Variants in SPIRE1 observed in about 807,000 individuals in gnomAD.
The protein encoded by SPIRE1 is spire type actin nucleation factor 1, also known as protein spire homolog 1.
SPIRE1 carries 40 observed loss-of-function variants against 94.1 expected under a neutral mutation model. The observed-to-expected ratio is 0.43, with a 90% confidence interval of 0.33 to 0.55. SPIRE1 has a LOEUF of 0.55. SPIRE1 is among the 20% of genes least tolerant of loss of function. The pLI, the probability that SPIRE1 is intolerant of heterozygous loss-of-function variation, is 0.06. For missense variants in SPIRE1, 838 were observed against 975.2 expected (o/e 0.86, Z 1.87); for synonymous variants, 376 against 371.7 (o/e 1.01, Z -0.13).
At chr18:12,602,918 T>A (rs2036876893) in intron 2 of SPIRE1, among the ~76,000 whole-genome samples, 2 of 152,204 alleles carry the variant, frequency 1.3e-5, no homozygotes, top group African/African-American at 4.8e-5. Flanking sequence ...GGACATCAGG[T>A]GAAGAACCCA....
intron 1 of SPIRE1, among the ~76,000 whole-genome samples, chr18:12,650,876 CA>C (rs34966832): frequency 0.068 from 5,032 of 74,208 alleles, 100 homozygotes; most frequent in African/African-American, 0.15. Context: ...GACCCTGTCT[CA>C]AAAAAAAAAA....
At chr18:12,498,962 C>G (rs2033560676) in intron 6 of SPIRE1, among the ~76,000 whole-genome samples, 1 of 152,134 alleles carries the variant, frequency 6.6e-6, no homozygotes. Context: ...TGGGGTCTCA[C>G]TAAGTTGCCC....
intron 10 of SPIRE1, among the ~76,000 whole-genome samples, chr18:12,472,861 T>C (rs1598905263): frequency 6.6e-6 from 1 of 152,160 alleles, no homozygotes; most frequent in Non-Finnish European, 1.5e-5. Flanking sequence ...GGCGTGATCT[T>C]GGCTCACTGC....
At chr18:12,517,985 G>C (rs1471529724) in intron 4 of SPIRE1, among the ~76,000 whole-genome samples, 1 of 152,036 alleles carries the variant, frequency 6.6e-6, no homozygotes, top group Non-Finnish European at 1.5e-5. Flanking sequence ...ATTATAATAA[G>C]GAATATATTT....
At chr18:12,563,454 C>T (rs151112203) in intron 2 of SPIRE1, among the ~76,000 whole-genome samples, 23 of 151,954 alleles carry the variant, frequency 1.5e-4, no homozygotes, top group Non-Finnish European at 2.5e-4. Flanking sequence ...CCCAAGTAGC[C>T]GGGACTAGAA....
chr18:12,520,982 C>T (rs565787221), intron 4 of SPIRE1, among the ~76,000 whole-genome samples: 49 of 152,174 alleles, frequency 3.2e-4, no homozygotes, highest in Non-Finnish European at 6.2e-4. Context: ...ATGACACTGG[C>T]GGATTTGGCT....
At chr18:12,595,908 A>G (rs1369195023) in intron 2 of SPIRE1, among the ~76,000 whole-genome samples, 1 of 152,158 alleles carries the variant, frequency 6.6e-6, no homozygotes, top group Non-Finnish European at 1.5e-5. Context: ...CATCACCTTG[A>G]CCTATTTGCC....
rs115697913 is a variant in SPIRE1 at position 12,614,460 on chromosome 18, G to A, written c.372+20602C>T. Among the ~76,000 whole-genome samples the A allele has an allele frequency of 9.4e-3, 1,435 of 152,226 alleles. 30 individuals carry two copies. The highest frequency in any genetic ancestry group is 0.032 in the African/African-American group (1,323 of 41,528). On this transcript the variant is annotated intron_variant, in intron 2 of 16. Transcript: ENST00000409402. The stretch of plus-strand genomic sequence containing the variant: ...CCTCCCTGCAAGAAACTCTTTCCCT[G>A]GTTTTTATTTTAATAAGCAGGAGAC...
chr18:12,624,677 A>T (rs943852428), intron 2 of SPIRE1, among the ~76,000 whole-genome samples: 1 of 147,844 alleles, frequency 6.8e-6, no homozygotes, highest in Non-Finnish European at 1.5e-5. Context: ...TCTACTAAAA[A>T]TACAAAAATT....
At chr18:12,491,714 G>A (rs141043905) in intron 8 of SPIRE1, among the ~76,000 whole-genome samples, 111 of 152,192 alleles carry the variant, frequency 7.3e-4, no homozygotes, top group African/African-American at 2.6e-3. Flanking sequence ...GACAGACATG[G>A]GCCCTGTCAT....
chr18:12,536,599 A>C (rs963707354), intron 3 of SPIRE1, among the ~76,000 whole-genome samples: 8 of 152,172 alleles, frequency 5.3e-5, no homozygotes, highest in African/African-American at 9.7e-5. Context: ...AAGAGGGCAG[A>C]GGGCAATGTA....
intron 10 of SPIRE1, among the ~76,000 whole-genome samples, chr18:12,476,564 A>AAAAAT (rs1568194404): frequency 7.2e-5 from 5 of 69,862 alleles, no homozygotes; most frequent in Non-Finnish European, 1.2e-4. Context: ...AAAAAAAAAA[A>AAAAAT]ATATATATAT....
rs1361417273 is a variant in SPIRE1 at position 12,592,342 on chromosome 18, A to G, written c.372+42720T>C. Among the ~76,000 whole-genome samples, 3 of 152,226 alleles carry G rather than the reference A, an allele frequency of 2.0e-5. No individual in the cohort carries two copies. The East Asian group carries it at 5.8e-4, about 29-fold the overall frequency. Reference sequence around the variant, plus strand: ...TATTAATATCTGTTAAACTAATGTAATATCACATTTTAGACAAAGTTATAA... The same window carrying G: ...TATTAATATCTGTTAAACTAATGTAGTATCACATTTTAGACAAAGTTATAA... On this transcript the variant is annotated intron_variant, in intron 2 of 16. Coordinates refer to ENST00000409402, the MANE Select transcript of SPIRE1 (RefSeq NM_001128626.2).
At chr18:12,604,772 C>T (rs73407543) in intron 2 of SPIRE1, among the ~76,000 whole-genome samples, 6,831 of 152,224 alleles carry the variant, frequency 0.045, 239 homozygotes, top group Admixed American at 0.081. Context: ...TCCTGTCAAT[C>T]TGTTGAGAAC....
chr18:12,653,691 T>C (rs1319516863), intron 1 of SPIRE1, among the ~76,000 whole-genome samples: 1 of 152,232 alleles, frequency 6.6e-6, no homozygotes, highest in Non-Finnish European at 1.5e-5. Flanking sequence ...CTTACACCTG[T>C]AATCCCAGCA....
At chr18:12,536,405 T>C (rs146597449) in intron 3 of SPIRE1, among the ~76,000 whole-genome samples, 4 of 152,176 alleles carry the variant, frequency 2.6e-5, no homozygotes, top group African/African-American at 7.2e-5. Flanking sequence ...TGTCTGTCCA[T>C]AGTCACATGG....
rs1043844824 is a variant in SPIRE1, at chr18:12,655,960, G to A, written c.337+1570C>T. 2.6e-5 allele frequency among the ~76,000 whole-genome samples: 4 copies of A among 151,984 alleles called. No individual in the cohort carries two copies. The South Asian group carries it at 8.3e-4, about 31-fold the overall frequency. ...GTCACCCAGGCTGGAGTGCAGTGGC[G>A]CGATCTCAGCTCACTACAGCCTCCA... On this transcript the variant is annotated intron_variant, in intron 1 of 16. Coordinates refer to ENST00000409402, the MANE Select transcript of SPIRE1 (RefSeq NM_001128626.2).
At chr18:12,615,345 A>AAAAAAATAAAAAAAAATAT in intron 2 of SPIRE1, among the ~76,000 whole-genome samples, 4 of 17,242 alleles carry the variant, frequency 2.3e-4, no homozygotes, top group Non-Finnish European at 5.6e-4. Context: ...AAAAAAAAAA[A>AAAAAAATAAAAAAAAATAT]ATATATATAT....
intron 5 of SPIRE1, among the ~76,000 whole-genome samples, chr18:12,508,063 T>C (rs1347194249): frequency 6.6e-6 from 1 of 151,988 alleles, no homozygotes; most frequent in African/African-American, 2.4e-5. Context: ...GGAGAATCGC[T>C]TGAACCTGGG....
Sources: allele counts gnomAD v4.1 joint callset (sites outside exome capture counted in the v4.1 genomes callset), GRCh38; gene constraint gnomAD v4.1.1; transcripts MANE v1.5; gene names NCBI Gene and HGNC (gene_info 2026-07-23, HGNC 2026-07-21).